Variants in IMMP2L observed in about 807,000 individuals in gnomAD.
The protein encoded by IMMP2L is inner mitochondrial membrane peptidase subunit 2, also known as mitochondrial inner membrane protease subunit 2.
In IMMP2L, 18 loss-of-function variants were observed where a neutral mutation model predicts 19.3. That is an observed-to-expected ratio of 0.93 (90% CI 0.64 to 1.38). IMMP2L has a LOEUF of 1.38. Ranked by LOEUF, IMMP2L falls within the 40% of genes most tolerant of loss-of-function variation. IMMP2L has a pLI of 0.00. For synonymous variants in IMMP2L, 76 were observed against 73.0 expected (o/e 1.04, Z -0.21); for missense variants, 233 against 218.2 (o/e 1.07, Z -0.43).
chr7:111,222,701 A>G (rs946927772), intron 3 of IMMP2L, among the ~76,000 whole-genome samples: 2 of 152,052 alleles, frequency 1.3e-5, no homozygotes, highest in African/African-American at 4.8e-5. Flanking sequence ...ATTCTTATAT[A>G]AGAACGTCAG....
chr7:110,787,866 C>T (rs1029886924), intron 5 of IMMP2L, among the ~76,000 whole-genome samples: 1 of 148,986 alleles, frequency 6.7e-6, no homozygotes, highest in African/African-American at 2.5e-5. Flanking sequence ...ACAAAAAAAA[C>T]AGATTAAGAG....
chr7:111,018,784 CTTT>C (rs372582725), intron 3 of IMMP2L, among the ~76,000 whole-genome samples: 4 of 120,968 alleles, frequency 3.3e-5, no homozygotes, highest in African/African-American at 1.3e-4. Flanking sequence ...AATTGTGTGT[CTTT>C]TTATTATTAT....
intron 4 of IMMP2L, among the ~76,000 whole-genome samples, chr7:110,890,155 T>C (rs908890447): frequency 3.9e-5 from 6 of 152,198 alleles, no homozygotes; most frequent in African/African-American, 1.2e-4. Context: ...CTATTTTTAA[T>C]GGTACAATCA....
At chr7:111,373,234 T>A (rs1830403729) in intron 3 of IMMP2L, among the ~76,000 whole-genome samples, 1 of 151,906 alleles carries the variant, frequency 6.6e-6, no homozygotes, top group Non-Finnish European at 1.5e-5. Context: ...AAAAATAAGT[T>A]TTCTATGAAA....
At chr7:111,001,753 A>G (rs576076029) in intron 3 of IMMP2L, among the ~76,000 whole-genome samples, 4 of 152,354 alleles carry the variant, frequency 2.6e-5, no homozygotes, top group African/African-American at 9.6e-5. Context: ...AGGTCAAACT[A>G]TAATTTGCAA....
chr7:111,250,591 A>G (rs1329452273), intron 3 of IMMP2L, among the ~76,000 whole-genome samples: 3 of 152,166 alleles, frequency 2.0e-5, no homozygotes, highest in Admixed American at 6.5e-5. Context: ...GAACTCACAA[A>G]TAAGACTGCA....
At chr7:111,447,447 C>A (rs1307338880) in intron 3 of IMMP2L, among the ~76,000 whole-genome samples, 1 of 149,560 alleles carries the variant, frequency 6.7e-6, no homozygotes, top group Non-Finnish European at 1.5e-5. Flanking sequence ...ATTTCATATC[C>A]AGCCAAACTA....
At chr7:111,156,836 AT>A (rs562636074) in intron 3 of IMMP2L, among the ~76,000 whole-genome samples, 1 of 151,158 alleles carries the variant, frequency 6.6e-6, no homozygotes, top group Non-Finnish European at 1.5e-5. Context: ...TAGGCCTGAG[AT>A]TTTTTTTCTG....
intron 2 of IMMP2L, among the ~76,000 whole-genome samples, chr7:111,513,927 C>T (rs1287484388): frequency 1.3e-5 from 2 of 151,656 alleles, no homozygotes; most frequent in Non-Finnish European, 2.9e-5. Flanking sequence ...TGAAATAAGC[C>T]AGGCACAGAA....
At chr7:110,948,207 AAT>A (rs1441049935) in intron 4 of IMMP2L, among the ~76,000 whole-genome samples, 1 of 152,212 alleles carries the variant, frequency 6.6e-6, no homozygotes, top group Non-Finnish European at 1.5e-5. Context: ...ATCTATCATT[AAT>A]ATTTCTTTCA....
chr7:111,385,462 G>C (rs926715423), intron 3 of IMMP2L, among the ~76,000 whole-genome samples: 3 of 152,122 alleles, frequency 2.0e-5, no homozygotes, highest in African/African-American at 4.8e-5. Flanking sequence ...CGCTACCCTA[G>C]GCCGAAGTGA....
At chr7:111,539,212 AAG>A (rs1164052634) in intron 1 of IMMP2L, among the ~76,000 whole-genome samples, 7 of 74,464 alleles carry the variant, frequency 9.4e-5, no homozygotes, top group Non-Finnish European at 1.9e-4. Flanking sequence ...GAAAGAAAGA[AAG>A]AAAGAAAGAA....
At chr7:111,081,919 T>A (rs1343766722) in intron 3 of IMMP2L, among the ~76,000 whole-genome samples, 1 of 152,156 alleles carries the variant, frequency 6.6e-6, no homozygotes, top group Non-Finnish European at 1.5e-5. Context: ...GAAGAAAGAA[T>A]GATTGCCTGA....
intron 3 of IMMP2L, among the ~76,000 whole-genome samples, chr7:111,222,705 A>G (rs1812649116): frequency 6.6e-6 from 1 of 152,074 alleles, no homozygotes; most frequent in African/African-American, 2.4e-5. Context: ...TTATATAAGA[A>G]CGTCAGTGAG....
chr7:111,285,613 C>A (rs1000837301), intron 3 of IMMP2L, among the ~76,000 whole-genome samples: 16 of 152,120 alleles, frequency 1.1e-4, no homozygotes, highest in Non-Finnish European at 2.2e-4. Context: ...GAACAGACTT[C>A]CCCAAAGCAG....
chr7:111,372,464 C>T (rs529855777), intron 3 of IMMP2L, among the ~76,000 whole-genome samples: 2 of 151,954 alleles, frequency 1.3e-5, no homozygotes, highest in Non-Finnish European at 2.9e-5. Flanking sequence ...ACCTGCCACC[C>T]ACCAGATCCC....
intron 5 of IMMP2L, among the ~76,000 whole-genome samples, chr7:110,692,377 A>T (rs1793575043): frequency 1.3e-5 from 2 of 150,714 alleles, no homozygotes; most frequent in Admixed American, 6.6e-5. Context: ...ATGGATAAAA[A>T]ACTGCATGTT....
chr7:110,770,315 G>A (rs899035653), intron 5 of IMMP2L, among the ~76,000 whole-genome samples: 1 of 152,102 alleles, frequency 6.6e-6, no homozygotes. Flanking sequence ...TCCTTCATGT[G>A]CAATGTGCCC....
chr7:111,469,586 TG>T (rs1225814966), intron 3 of IMMP2L, among the ~76,000 whole-genome samples: 2 of 152,136 alleles, frequency 1.3e-5, no homozygotes, highest in Non-Finnish European at 2.9e-5. Context: ...TACAACTATC[TG>T]ATCTTTGACA....
Sources: gnomAD v4.1 joint callset for allele counts (sites outside exome capture counted in the v4.1 genomes callset) on GRCh38, gnomAD v4.1.1 for gene constraint, MANE v1.5 for transcripts, NCBI Gene and HGNC (gene_info 2026-07-23, HGNC 2026-07-21) for gene names.